The following LINGO2 variants were observed in gnomAD, a reference collection of about 807,000 sequenced individuals.
LINGO2 encodes leucine rich repeat and Ig domain containing 2.
LINGO2 carries 14 observed loss-of-function variants against 30.6 expected under a neutral mutation model. The observed-to-expected ratio is 0.46, with a 90% CI of 0.30 to 0.72. LINGO2 has a LOEUF of 0.72. Among genes scored for constraint, LINGO2 ranks in the 30% least tolerant of loss-of-function variants. The pLI is 0.07. For missense variants in LINGO2, 729 were observed against 751.7 expected, an observed-to-expected ratio of 0.97 and a Z score of 0.35; for synonymous variants, 317 against 288.5, an observed-to-expected ratio of 1.10 and a Z score of -1.00.
chr9:28,627,381 A>AC (rs1826728667), intron 1 of LINGO2, among the ~76,000 whole-genome samples: 1 of 151,962 alleles, frequency 6.6e-6, no homozygotes, highest in African/African-American at 2.4e-5. Context: ...AAGTCCAGGG[A>AC]CCCCTATGTA....
At chr9:28,552,985 A>G (rs78784776) in intron 1 of LINGO2, among the ~76,000 whole-genome samples, 2,268 of 151,668 alleles carry the variant, frequency 0.015, 49 homozygotes, top group East Asian at 0.097. Context: ...TCTTTTGGTG[A>G]AAACTTTTCT....
chr9:28,126,455 G>A (rs913024218), intron 4 of LINGO2, among the ~76,000 whole-genome samples: 1 of 152,118 alleles, frequency 6.6e-6, no homozygotes, highest in African/African-American at 2.4e-5. Context: ...CTACCATCTT[G>A]TAGGGAATCT....
chr9:27,989,505 G>A (rs1027882400), intron 5 of LINGO2, among the ~76,000 whole-genome samples: 8 of 150,920 alleles, frequency 5.3e-5, no homozygotes, highest in South Asian at 4.2e-4. Flanking sequence ...AGAAAATATC[G>A]AACTATAGAA....
chr9:29,068,104 C>A, the LINGO2 span, among the ~76,000 whole-genome samples: 1 of 151,844 alleles, frequency 6.6e-6, no homozygotes, highest in Admixed American at 6.6e-5. Flanking sequence ...TTCTCCCTGA[C>A]AAAAGTTGTG....
chr9:28,855,505 ATCAGG>A, the LINGO2 span, among the ~76,000 whole-genome samples: 1 of 152,022 alleles, frequency 6.6e-6, no homozygotes, highest in South Asian at 2.1e-4. Context: ...ATGTTTAAAG[ATCAGG>A]TAAGTTTTAT....
intron 2 of LINGO2, among the ~76,000 whole-genome samples, chr9:28,407,868 A>C (rs1196108591): frequency 1.3e-5 from 2 of 152,124 alleles, no homozygotes; most frequent in African/African-American, 4.8e-5. Flanking sequence ...CACCCCAATG[A>C]AGTCTTCTTT....
chr9:28,576,712 A>G (rs1367211355), intron 1 of LINGO2, among the ~76,000 whole-genome samples: 2 of 152,098 alleles, frequency 1.3e-5, no homozygotes, highest in Non-Finnish European at 2.9e-5. Flanking sequence ...AGATATTGCT[A>G]TTTTTTTCCA....
At chr9:28,668,218 G>A (rs1474907336) in intron 1 of LINGO2, among the ~76,000 whole-genome samples, 3 of 152,028 alleles carry the variant, frequency 2.0e-5, no homozygotes, top group African/African-American at 4.8e-5. Flanking sequence ...AGTGGTAGTA[G>A]GGGAAGGTTA....
At chr9:28,630,706 G>A (rs1416120412) in intron 1 of LINGO2, among the ~76,000 whole-genome samples, 1 of 151,950 alleles carries the variant, frequency 6.6e-6, no homozygotes, top group Admixed American at 6.6e-5. Context: ...ATATTTGAAT[G>A]GCATTATTAG....
chr9:28,928,494 T>C, the LINGO2 span, among the ~76,000 whole-genome samples: 1,462 of 152,216 alleles, frequency 9.6e-3, 25 homozygotes, highest in African/African-American at 0.031. Flanking sequence ...TAAATAAATA[T>C]ATTGGAAATT....
At chr9:28,956,928 A>G in the LINGO2 span, among the ~76,000 whole-genome samples, 1 of 151,542 alleles carries the variant, frequency 6.6e-6, no homozygotes, top group Admixed American at 6.6e-5. Flanking sequence ...ATCTCTTGGG[A>G]TGATAACATT....
intron 5 of LINGO2, among the ~76,000 whole-genome samples, chr9:27,975,080 T>A (rs1247040306): frequency 1.3e-5 from 2 of 152,068 alleles, no homozygotes. Flanking sequence ...CCTAGAGGCA[T>A]TTTTTTCCTC....
At chr9:28,003,821 T>C (rs1446783264) in intron 5 of LINGO2, among the ~76,000 whole-genome samples, 2 of 152,164 alleles carry the variant, frequency 1.3e-5, no homozygotes, top group Non-Finnish European at 2.9e-5. Context: ...ATGTCCTAAG[T>C]TGCAGTTTCC....
At chr9:28,230,205 G>C (rs1229800990) in intron 4 of LINGO2, among the ~76,000 whole-genome samples, 2 of 151,814 alleles carry the variant, frequency 1.3e-5, no homozygotes, top group African/African-American at 2.4e-5. Flanking sequence ...TACTATATGT[G>C]TGTGCATGTG....
At chr9:28,045,772 C>T (rs532312593) in intron 4 of LINGO2, among the ~76,000 whole-genome samples, 2 of 152,134 alleles carry the variant, frequency 1.3e-5, no homozygotes, top group South Asian at 4.2e-4. Context: ...GAGACATGGC[C>T]CCAAAGCCAA....
the LINGO2 span, among the ~76,000 whole-genome samples, chr9:28,743,747 A>G: frequency 2.0e-5 from 3 of 151,458 alleles, no homozygotes; most frequent in Non-Finnish European, 2.9e-5. Flanking sequence ...AGATTTTTCT[A>G]TTTATATTGT....
chr9:27,958,962 T>C (rs1457944986), intron 5 of LINGO2, among the ~76,000 whole-genome samples: 1 of 152,212 alleles, frequency 6.6e-6, no homozygotes, highest in Non-Finnish European at 1.5e-5. Flanking sequence ...AATTGATTTC[T>C]TTGGCAGATA....
At chr9:29,023,540 A>G in the LINGO2 span, among the ~76,000 whole-genome samples, 1 of 152,146 alleles carries the variant, frequency 6.6e-6, no homozygotes, top group Non-Finnish European at 1.5e-5. Flanking sequence ...TAATATGGCT[A>G]AAATTCAGAT....
intron 2 of LINGO2, among the ~76,000 whole-genome samples, chr9:28,408,504 GC>G (rs1822604183): frequency 6.6e-6 from 1 of 151,630 alleles, no homozygotes; most frequent in Admixed American, 6.6e-5. Flanking sequence ...ATCATTCTCA[GC>G]AAACTATCGC....
Sources: gnomAD v4.1 joint callset for allele counts (sites outside exome capture counted in the v4.1 genomes callset) on GRCh38, gnomAD v4.1.1 for gene constraint, MANE v1.5 for transcripts, NCBI Gene and HGNC (gene_info 2026-07-23, HGNC 2026-07-21) for gene names.